CNGB3: variants seen among roughly 807,000 people sequenced by gnomAD.
The protein encoded by CNGB3 is cyclic nucleotide gated channel subunit beta 3.
CNGB3 carries 86 observed loss-of-function variants against 92.8 expected under a neutral mutation model. That is an observed-to-expected ratio of 0.93 (90% CI 0.78 to 1.11). The LOEUF is 1.11. CNGB3 is among the 50% of genes least tolerant of loss of function. The pLI, the probability that CNGB3 is intolerant of heterozygous loss-of-function variation, is 0.00. For synonymous variants in CNGB3, 333 were observed against 332.7 expected, an observed-to-expected ratio of 1.00 and a Z score of -0.01; for missense variants, 1,026 against 956.8, an observed-to-expected ratio of 1.07 and a Z score of -0.95.
At chr8:86,730,681 T>A (rs906892000) in intron 2 of CNGB3, among the ~76,000 whole-genome samples, 2 of 152,236 alleles carry the variant, frequency 1.3e-5, no homozygotes, top group Non-Finnish European at 2.9e-5. Flanking sequence ...ATGATTATTT[T>A]CTGGCACCTG....
chr8:86,696,351 G>A (rs1824450393), intron 3 of CNGB3, among the ~76,000 whole-genome samples: 3 of 152,132 alleles, frequency 2.0e-5, no homozygotes, highest in Non-Finnish European at 2.9e-5. Context: ...CCCTGAGTTG[G>A]CCAGGATGAG....
chr8:86,579,001 C>A, intron 16 of CNGB3, 105 bp downstream of exon 16: 1 of 1,541,878 alleles, frequency 6.5e-7, no homozygotes, highest in Non-Finnish European at 9.0e-7. Flanking sequence ...AAGCATATCT[C>A]ACTGTGATCA....
intron 3 of CNGB3, among the ~76,000 whole-genome samples, chr8:86,725,959 T>C (rs992972280): frequency 1.3e-5 from 2 of 152,168 alleles, no homozygotes; most frequent in Non-Finnish European, 2.9e-5. Flanking sequence ...TATTGCAGAT[T>C]TACTGGTTCA....
At chr8:86,577,065 G>A (rs1219984901) in intron 17 of CNGB3, among the ~76,000 whole-genome samples, 1 of 152,032 alleles carries the variant, frequency 6.6e-6, no homozygotes, top group Non-Finnish European at 1.5e-5. Flanking sequence ...TCCCTGCTCT[G>A]TCTGTTTCTC....
chr8:86,703,527 T>G (rs900746808), intron 3 of CNGB3, among the ~76,000 whole-genome samples: 1 of 152,230 alleles, frequency 6.6e-6, no homozygotes, highest in Admixed American at 6.5e-5. Context: ...TGATGTCTAG[T>G]GGACCGGCAC....
intron 15 of CNGB3, among the ~76,000 whole-genome samples, chr8:86,584,571 CT>C (rs34030252): frequency 0.59 from 87,650 of 148,894 alleles, 27,124 homozygotes; most frequent in Admixed American, 0.69. Flanking sequence ...AAAATAGCAT[CT>C]TTTTTTTTTT....
chr8:86,604,497 C>T (rs938174877), intron 14 of CNGB3, among the ~76,000 whole-genome samples: 3 of 151,994 alleles, frequency 2.0e-5, no homozygotes, highest in Non-Finnish European at 2.9e-5. Flanking sequence ...TAGGAAGGAC[C>T]CTGGGTAGAG....
rs77776334 is a variant in CNGB3, at chr8:86,574,680, T to C, written c.*1124A>G. ...TTACACAGAACTTGATGTTATACAC[T>C]AATGGCATTTATTAGAATGGAATTC... On this transcript the variant is annotated 3_prime_UTR_variant, in exon 18 of 18. Coordinates refer to ENST00000320005, the MANE Select transcript of CNGB3 (RefSeq NM_019098.5). The C allele has an allele frequency of 3.3e-5, 5 of 152,224 alleles. No individual in the cohort carries two copies. Among genetic ancestry groups the C allele is most frequent in the African/African-American group, 1.2e-4 (5 of 41,460 alleles). The allele number at this position is 152,224 out of a possible 1,614,324, so 9.4% of individuals were successfully genotyped here. A position where few individuals can be genotyped will look rare whatever the true frequency, so the allele number is the denominator to read the frequency against.
chr8:86,691,151 A>C (rs1391847028), intron 3 of CNGB3, among the ~76,000 whole-genome samples: 2 of 152,046 alleles, frequency 1.3e-5, no homozygotes, highest in Non-Finnish European at 1.5e-5. Flanking sequence ...AAAGGAGTTG[A>C]GTTCTTGATT....
chr8:86,608,924 C>T (rs1275263163), intron 14 of CNGB3, among the ~76,000 whole-genome samples: 2 of 152,116 alleles, frequency 1.3e-5, no homozygotes, highest in East Asian at 1.9e-4. Context: ...TGGTAGTGGT[C>T]CCCCGGGCCC....
At chr8:86,680,465 A>G (rs776782514) in intron 3 of CNGB3, among the ~76,000 whole-genome samples, 29 of 152,160 alleles carry the variant, frequency 1.9e-4, no homozygotes, top group Non-Finnish European at 2.6e-4. Flanking sequence ...AATACAAGGG[A>G]CCAGAAGGGG....
At chr8:86,711,006 T>A (rs971898143) in intron 3 of CNGB3, among the ~76,000 whole-genome samples, 1 of 152,186 alleles carries the variant, frequency 6.6e-6, no homozygotes, top group Non-Finnish European at 1.5e-5. Flanking sequence ...CCTATAGCTG[T>A]GTTTTGTTGG....
intron 14 of CNGB3, among the ~76,000 whole-genome samples, chr8:86,607,619 TATG>T (rs1371670638): frequency 3.3e-5 from 5 of 152,138 alleles, no homozygotes; most frequent in Non-Finnish European, 7.4e-5. Flanking sequence ...ACTGCAGAAA[TATG>T]AATCAGAATT....
chr8:86,741,127 A>G (rs1474390763), intron 1 of CNGB3, among the ~76,000 whole-genome samples: 1 of 152,184 alleles, frequency 6.6e-6, no homozygotes, highest in Non-Finnish European at 1.5e-5. Flanking sequence ...AAAAAACACA[A>G]CATACATTGA....
intron 13 of CNGB3, among the ~76,000 whole-genome samples, chr8:86,619,991 G>C (rs1367946611): frequency 2.0e-5 from 3 of 152,060 alleles, no homozygotes; most frequent in Admixed American, 2.0e-4. Context: ...AAAGTGCTGG[G>C]ATAACAGCCA....
chr8:86,624,301 C>T (rs369573582), intron 13 of CNGB3, among the ~76,000 whole-genome samples: 1 of 152,084 alleles, frequency 6.6e-6, no homozygotes, highest in South Asian at 2.1e-4. Context: ...TGCCTGTAAT[C>T]CCAGCTACTT....
chr8:86,689,534 ATTTC>A (rs904276741), intron 3 of CNGB3, among the ~76,000 whole-genome samples: 4 of 149,942 alleles, frequency 2.7e-5, no homozygotes, highest in Non-Finnish European at 5.9e-5. Context: ...TATTTTTATT[ATTTC>A]TTTATTTTTT....
intron 14 of CNGB3, among the ~76,000 whole-genome samples, chr8:86,608,213 G>A (rs536858366): frequency 1.4e-4 from 21 of 152,100 alleles, no homozygotes; most frequent in Non-Finnish European, 2.2e-4. Context: ...AATAATCCTC[G>A]CTCTATAATC....
intron 10 of CNGB3, among the ~76,000 whole-genome samples, chr8:86,633,904 C>T (rs756380487): frequency 6.6e-6 from 1 of 152,144 alleles, no homozygotes; most frequent in Non-Finnish European, 1.5e-5. Context: ...CAGAGGAGAG[C>T]TGAGCTCCAT....
Sources: gnomAD v4.1 joint callset for allele counts (sites outside exome capture counted in the v4.1 genomes callset) on GRCh38, gnomAD v4.1.1 for gene constraint, MANE v1.5 for transcripts, NCBI Gene and HGNC (gene_info 2026-07-23, HGNC 2026-07-21) for gene names.